Variants in KCNG1 observed in about 807,000 individuals in gnomAD.
The protein encoded by KCNG1 is voltage-gated potassium channel regulatory subunit KCNG1.
KCNG1 carries 17 observed loss-of-function variants against 32.4 expected under a neutral mutation model. The observed-to-expected ratio is 0.52, with a 90% CI of 0.36 to 0.79. The LOEUF is 0.79. KCNG1 is among the 30% of genes least tolerant of loss of function. The probability of loss-of-function intolerance (pLI) is 0.00; values close to 1 mark genes in which losing one functional copy is unlikely to be tolerated. For synonymous variants in KCNG1, 358 were observed against 339.9 expected, an observed-to-expected ratio of 1.05 and a Z score of -0.59; for missense variants, 441 against 735.2, an observed-to-expected ratio of 0.60 and a Z score of 4.63.
intron 1 of KCNG1, among the ~76,000 whole-genome samples, chr20:51,018,872 G>A (rs888695351): frequency 1.3e-5 from 2 of 152,142 alleles, no homozygotes; most frequent in African/African-American, 4.8e-5. Context: ...TGTTCCTTTC[G>A]GGGAGCTGGT....
At chr20:51,021,370 C>T (rs1259500981) in intron 1 of KCNG1, among the ~76,000 whole-genome samples, 1 of 152,208 alleles carries the variant, frequency 6.6e-6, no homozygotes, top group Non-Finnish European at 1.5e-5. Context: ...TCAGGTCTGG[C>T]AGAGCCTGAA....
chr20:51,005,084 T>C lies in KCNG1; in HGVS notation c.775-278A>G. 5.6e-6 allele frequency: 2 copies of C among 358,342 alleles called. No individual in the cohort carries two copies. Among genetic ancestry groups the C allele is most frequent in the Non-Finnish European group, 1.0e-5 (2 of 200,418 alleles). The allele number at this position is 358,342 out of a possible 1,614,324, so 22.2% of individuals were successfully genotyped here. ...CCTCCCTGACGCTCCCACCTGGGTG[T>C]CTGAGGGGCATCTCGAACTCACCAT... On this transcript the variant is annotated intron_variant, in intron 2 of 2. Coordinates refer to ENST00000371571, the MANE Select transcript of KCNG1 (RefSeq NM_002237.4). This position sits in a 1 kb window ranked among gnomAD's most constrained non-coding sequence, Gnocchi z 4.0.
At position 51,004,196 on chromosome 20, in the gene KCNG1, G is replaced by A. The variant is rs377479756; in HGVS notation, c.1385C>T (p.Thr462Ile). Residue 462 changes from threonine (T) to isoleucine (I), a missense_variant, in exon 3 of 3, where the codon ACC becomes ATC. Physicochemically the swap from Thr to Ile is moderately conservative, Grantham distance 89. Coordinates refer to ENST00000371571, the MANE Select transcript of KCNG1 (RefSeq NM_002237.4). This position sits in a 1 kb window ranked among gnomAD's most constrained non-coding sequence, Gnocchi z 4.3. ...MAFPVTSIFHTFSRSYLELKQ... is the reference protein window; with the variant it reads ...MAFPVTSIFHIFSRSYLELKQ... The stretch of plus-strand genomic sequence containing the variant: ...GAGCTCCAGGTAGGAGCGGGAGAAG[G>A]TGTGGAAGATGGAGGTGACTGGGAA... The A allele has an allele frequency of 6.2e-7, 1 of 1,614,032 alleles. No homozygotes were observed. The highest frequency in any genetic ancestry group is 1.3e-5 in the African/African-American group (1 of 74,934).
At chr20:51,020,626 G>A (rs192545204) in intron 1 of KCNG1, among the ~76,000 whole-genome samples, 3 of 152,028 alleles carry the variant, frequency 2.0e-5, no homozygotes, top group African/African-American at 7.2e-5. Context: ...TCACCCACAG[G>A]CTCCATTTCT....
At chr20:51,011,092 A>T (rs1988076889) in intron 1 of KCNG1, among the ~76,000 whole-genome samples, 1 of 152,350 alleles carries the variant, frequency 6.6e-6, no homozygotes, top group East Asian at 1.9e-4. Context: ...GAAGCCACCC[A>T]GTCTGTGGTA....
chr20:51,004,035 G>A lies in KCNG1; in HGVS notation c.*4C>T, dbSNP rs1987717330. On this transcript the variant is annotated 3_prime_UTR_variant, in exon 3 of 3. Transcript: ENST00000371571. The surrounding 1 kb of genome is among the most constrained non-coding windows in gnomAD (Gnocchi z 4.3). ...GGCAGGCAGGGCAGGCGTGTCCTCC[G>A]CGCTCAGTTATTGTCTCTGGTGTCC... is the stretch of plus-strand genomic sequence containing the variant. The A allele has an allele frequency of 6.2e-7, 1 of 1,612,516 alleles. No individual in the cohort carries two copies. Among genetic ancestry groups the A allele is most frequent in the Non-Finnish European group, 8.5e-7 (1 of 1,178,942 alleles).
In KCNG1 at chr20:51,010,037, A is replaced by G. The variant is rs1988005336; in HGVS notation, c.302T>C (p.Ile101Thr). The change falls in exon 2 of 3, where the codon ATC becomes ACC. Residue 101 changes from isoleucine (I) to threonine (T), a missense_variant. By Grantham distance (89) the Ile-to-Thr change is moderately conservative. Around this residue, in one of 6 missense-constraint regions of KCNG1, gnomAD observed 70 missense variants for 158.4 expected, o/e 0.44. Transcript: ENST00000371571. ...GTCGTAGTCATCGCACACGTTGAGG[A>G]TGTCGTCGAAGTTGGTGCAGGCCTT... ...QLKACTNFDD[I>T]LNVCDDYDVT... 1 of 1,613,986 alleles carries G rather than the reference A, an allele frequency of 6.2e-7. No individual in the cohort carries two copies. Among genetic ancestry groups the G allele is most frequent in the African/African-American group, 1.3e-5 (1 of 74,940 alleles).
intron 1 of KCNG1, among the ~76,000 whole-genome samples, chr20:51,018,343 G>A (rs1238040099): frequency 6.6e-6 from 1 of 152,194 alleles, no homozygotes; most frequent in Non-Finnish European, 1.5e-5. Flanking sequence ...TGGGGATCTG[G>A]TGAACGGAGG....
In KCNG1 at chr20:51,015,638, T is replaced by G. The variant is rs6067610; in HGVS notation, c.-26-5274A>C. On this transcript the variant is annotated intron_variant, in intron 1 of 2. Coordinates refer to ENST00000371571, the MANE Select transcript of KCNG1 (RefSeq NM_002237.4). This position sits in a 1 kb window ranked among gnomAD's most constrained non-coding sequence, Gnocchi z 4.4. ...GCCAGAGTGGTCAGGGCAGGGCATA[T>G]GGTAGGCAGAAAAATGTCCCCACAT... Among the ~76,000 whole-genome samples the G allele has an allele frequency of 0.026, 3,952 of 152,278 alleles. 76 individuals are homozygous for G. Among genetic ancestry groups the G allele is most frequent in the East Asian group, 0.087 (448 of 5,170 alleles).
intron 1 of KCNG1, among the ~76,000 whole-genome samples, chr20:51,021,858 A>C (rs1601111811): frequency 6.7e-6 from 1 of 149,746 alleles, no homozygotes; most frequent in Non-Finnish European, 1.5e-5. Flanking sequence ...ACTCCTCCCC[A>C]CCCTACCCCA....
intron 1 of KCNG1, among the ~76,000 whole-genome samples, chr20:51,021,801 T>C (rs1439766932): frequency 6.6e-6 from 1 of 152,134 alleles, no homozygotes; most frequent in Non-Finnish European, 1.5e-5. Context: ...ATAAACCCCA[T>C]TGGTGGGAAC....
At chr20:51,019,187 A>C (rs879590285) in intron 1 of KCNG1, among the ~76,000 whole-genome samples, 1 of 152,146 alleles carries the variant, frequency 6.6e-6, no homozygotes, top group Admixed American at 6.6e-5. Flanking sequence ...CCAGTGAGTC[A>C]TTTGGTCTTC....
chr20:51,016,541 G>T (rs1009058832), intron 1 of KCNG1, among the ~76,000 whole-genome samples: 1 of 152,176 alleles, frequency 6.6e-6, no homozygotes, highest in Non-Finnish European at 1.5e-5. Flanking sequence ...GCAGAAGGGC[G>T]CACAGGCTTT....
rs773311662 is a variant in KCNG1, at chr20:51,009,722, AGGC to A, written c.614_616del (p.Arg205del). 3 of 1,605,312 alleles carry A rather than the reference AGGC, an allele frequency of 1.9e-6. No individual in the cohort carries two copies. In the Admixed American group the frequency reaches 5.0e-5, roughly 27 times the overall value. ...GCGCAGTCGCCGCATGCAGCGCCCC[AGGC>A]GGCCCTCGCCCTCGGCCGGGCCCTC... On this transcript the variant is annotated inframe_deletion, in exon 2 of 3. Coordinates refer to ENST00000371571, the MANE Select transcript of KCNG1 (RefSeq NM_002237.4).
chr20:51,009,547 C>G lies in KCNG1; in HGVS notation c.774+18G>C, dbSNP rs777863216. 2.5e-6 allele frequency: 4 copies of G among 1,569,610 alleles called. No individual in the cohort carries two copies. Among genetic ancestry groups the G allele is most frequent in the Non-Finnish European group, 3.4e-6 (4 of 1,160,848 alleles). On this transcript the variant is annotated intron_variant, in intron 2 of 2. Coordinates refer to ENST00000371571, the MANE Select transcript of KCNG1 (RefSeq NM_002237.4). ...TCCCTCGTGGTGGCGCGTTTCCCCG[C>G]GGGGCGTGGGCTCTTACCTGCTCCT...
chr20:51,010,569 C>T (rs913313303), intron 1 of KCNG1, among the ~76,000 whole-genome samples: 4 of 152,186 alleles, frequency 2.6e-5, no homozygotes, highest in East Asian at 1.9e-4. Flanking sequence ...ATGAGAGCAA[C>T]GCCCCCACGA....
At chr20:51,014,526 G>A (rs1228519504) in intron 1 of KCNG1, among the ~76,000 whole-genome samples, 1 of 152,194 alleles carries the variant, frequency 6.6e-6, no homozygotes, top group African/African-American at 2.4e-5. Flanking sequence ...TGGGGGAGAT[G>A]AGGTGAAGTC....
At chr20:51,022,495 C>T (rs1444977916) in intron 1 of KCNG1, among the ~76,000 whole-genome samples, 1 of 152,218 alleles carries the variant, frequency 6.6e-6, no homozygotes, top group Non-Finnish European at 1.5e-5. Flanking sequence ...GTGACACACA[C>T]TCCCCCACCC....
chr20:51,009,526 T>A (rs1987971647), intron 2 of KCNG1, 39 bp downstream of exon 2: 1 of 1,533,056 alleles, frequency 6.5e-7, no homozygotes, highest in Admixed American at 2.1e-5. Context: ...GTCCCTTCCC[T>A]CGTGGTGGCG....
Sources: gnomAD v4.1 joint callset for allele counts (sites outside exome capture counted in the v4.1 genomes callset) on GRCh38, gnomAD v4.1.1 for gene constraint, gnomAD v4.1.1 regional missense constraint, Gnocchi (gnomAD v3.1) non-coding constraint, MANE v1.5 for transcripts, NCBI Gene and HGNC (gene_info 2026-07-23, HGNC 2026-07-21) for gene names.